HOXA9: variants seen among roughly 807,000 people sequenced by gnomAD.
HOXA9 encodes homeobox protein Hox-A9.
HOXA9 carries 18 observed loss-of-function variants against 19.0 expected under a neutral mutation model. The observed-to-expected ratio is 0.95, with a 90% CI of 0.65 to 1.40. The LOEUF is 1.40. Ranked by LOEUF, HOXA9 falls within the 40% of genes most tolerant of loss-of-function variation. HOXA9 has a pLI of 0.00. For synonymous variants in HOXA9, 198 were observed against 161.1 expected (o/e 1.23, Z -1.73); for missense variants, 443 against 372.2 (o/e 1.19, Z -1.57).
Position 27,162,670 on chromosome 7 carries a change from A to G in HOXA9, c.*933T>C, listed in dbSNP as rs10259620. 0.73 allele frequency: 152,928 copies of G among 209,434 alleles called. 56,481 individuals carry two copies. The highest frequency in any genetic ancestry group is 0.83 in the South Asian group (4,393 of 5,310). 13.0% of individuals were successfully genotyped at this position (209,434 alleles called of 1,614,324 possible). On this transcript the variant is annotated 3_prime_UTR_variant, in exon 2 of 2. Transcript: ENST00000343483. ...GTTACAATCAGCATTCATTTCCTCC[A>G]ATTAAAATTAAGCATAAACCCTAGG...
rs960680077 is a variant in HOXA9 at position 27,164,936 on chromosome 7, G to A, written c.522C>T (p.Ala174=). The stretch of plus-strand genomic sequence containing the variant: ...CATTCTCAGCATTGTTTTCAGAGAA[G>A]GCGCCTTCGCTGGGTTGTTTTTCTC... ...VDREKQPSEG[A]FSENNAENES... is the part of the protein sequence containing the mutation. Residue 174 remains alanine, a synonymous_variant, in exon 1 of 2, where the codon GCC becomes GCT. Coordinates refer to ENST00000343483, the MANE Select transcript of HOXA9 (RefSeq NM_152739.4). 3.8e-5 allele frequency: 61 copies of A among 1,614,122 alleles called. No individual in the cohort carries two copies. Among genetic ancestry groups the A allele is most frequent in the Non-Finnish European group, 4.7e-5 (55 of 1,180,044 alleles).
At position 27,165,523 on chromosome 7, in the gene HOXA9, T is replaced by A; in HGVS notation, c.-66A>T. The A allele has an allele frequency of 2.0e-6, 3 of 1,469,948 alleles. No homozygotes were observed. In the Middle Eastern group the frequency reaches 5.7e-4, roughly 282 times the overall value. The allele number at this position is 1,469,948 out of a possible 1,614,324, so 91.1% of individuals were successfully genotyped here. A position where few individuals can be genotyped will look rare whatever the true frequency, so the allele number is the denominator to read the frequency against. On this transcript the variant is annotated 5_prime_UTR_variant, in exon 1 of 2. Coordinates refer to ENST00000343483, the MANE Select transcript of HOXA9 (RefSeq NM_152739.4). ...AAATTATGAAACTGCAGATTTCATG[T>A]AACAACTTGGTGGCACCGGGGGGGA...
At position 27,165,050 on chromosome 7, in the gene HOXA9, C is replaced by A. The variant is rs374547527; in HGVS notation, c.408G>T (p.Pro136=). 5 of 1,614,038 alleles carry A rather than the reference C, an allele frequency of 3.1e-6. No homozygotes were observed. The highest frequency in any genetic ancestry group is 2.2e-5 in the South Asian group (2 of 91,086). Residue 136 remains proline, a synonymous_variant, in exon 1 of 2, where the codon CCG becomes CCT. Transcript: ENST00000343483. ...SSRPYGIKPE[P]LSARRGDCPT... is the part of the protein sequence containing the mutation. ...GACAGTCACCCCTTCTGGCCGACAGCGGTTCAGGTTTAATGCCATAAGGCC... is the reference window on the plus strand; with the variant it reads ...GACAGTCACCCCTTCTGGCCGACAGAGGTTCAGGTTTAATGCCATAAGGCC...
rs143934224 is a variant in HOXA9, at chr7:27,165,011, A to G, written c.447T>C (p.Thr149=). 3.0e-4 allele frequency: 490 copies of G among 1,614,190 alleles called. 4 individuals carry two copies. In the African/African-American group the frequency reaches 5.8e-3, roughly 19 times the overall value. The part of the protein sequence containing the change: ...ARRGDCPTLD[T]HTLSLTDYAC... ...CATAGTCAGTCAGGGACAAAGTGTGAGTGTCAAGCGTGGGACAGTCACCCC... is the reference window on the plus strand; with the variant it reads ...CATAGTCAGTCAGGGACAAAGTGTGGGTGTCAAGCGTGGGACAGTCACCCC... The change falls in exon 1 of 2, where the codon ACT becomes ACC. Residue 149 remains threonine (T), a synonymous_variant. Coordinates refer to ENST00000343483, the MANE Select transcript of HOXA9 (RefSeq NM_152739.4).
Position 27,163,578 on chromosome 7 carries a change from T to C in HOXA9, c.*25A>G. 4.5e-6 allele frequency: 7 copies of C among 1,564,382 alleles called. No individual in the cohort carries two copies. The highest frequency in any genetic ancestry group is 1.7e-4 in the Middle Eastern group (1 of 5,884). On this transcript the variant is annotated 3_prime_UTR_variant, in exon 2 of 2. Transcript: ENST00000343483. ...TTTCTTTTTCTCTCTAGCTTACCCT[T>C]TTTTCTAAATAAGCCCAAATGGCAT...
Position 27,165,416 on chromosome 7 carries a change from C to A in HOXA9, c.42G>T (p.Ser14=). 6.2e-7 allele frequency: 1 copy of A among 1,609,770 alleles called. No individual in the cohort carries two copies. The highest frequency in any genetic ancestry group is 1.1e-5 in the South Asian group (1 of 90,844). The part of the protein sequence containing the change: ...TGALGNYYVD[S]FLLGADAADE... ...CCGCGGCGTCGGCGCCCAGCAGGAA[C>A]GAGTCCACGTAGTAGTTGCCCAGGG... Residue 14 remains serine (S), a synonymous_variant, in exon 1 of 2, where the codon TCG becomes TCT. Coordinates refer to ENST00000343483, the MANE Select transcript of HOXA9 (RefSeq NM_152739.4).
In HOXA9 at chr7:27,165,399, T is replaced by A; in HGVS notation, c.59A>T (p.Asp20Val). The change falls in exon 1 of 2, where the codon GAC (aspartate) becomes GTC (valine). Residue 20 changes from aspartate to valine, a missense_variant. Coordinates refer to ENST00000343483, the MANE Select transcript of HOXA9 (RefSeq NM_152739.4). ...YYVDSFLLGA[D>V]AADELSVGRY... Reference sequence around the variant, plus strand: ...GCCAACGCTCAGCTCATCCGCGGCGTCGGCGCCCAGCAGGAACGAGTCCAC... The same window carrying A: ...GCCAACGCTCAGCTCATCCGCGGCGACGGCGCCCAGCAGGAACGAGTCCAC... 1 of 1,609,016 alleles carries A rather than the reference T, an allele frequency of 6.2e-7. No homozygotes were observed. Among genetic ancestry groups the A allele is most frequent in the South Asian group, 1.1e-5 (1 of 90,708 alleles).
Position 27,165,334 on chromosome 7 carries a change from C to T in HOXA9, c.124G>A (p.Ala42Thr). 1 of 1,582,612 alleles carries T rather than the reference C, an allele frequency of 6.3e-7. No individual in the cohort carries two copies. The highest frequency in any genetic ancestry group is 8.6e-7 in the Non-Finnish European group (1 of 1,166,186). Residue 42 changes from alanine to threonine, a missense_variant, in exon 1 of 2, where the codon GCG (alanine) becomes ACG (threonine). Transcript: ENST00000343483. ...TCGGGGTGCTCGGCCAGCGTCGCCGCCTGCCGGGGAGGCTGGCCCAGGGTC... is the reference window on the plus strand; with the variant it reads ...TCGGGGTGCTCGGCCAGCGTCGCCGTCTGCCGGGGAGGCTGGCCCAGGGTC... ...PGTLGQPPRQ[A>T]ATLAEHPDFS...
Position 27,163,287 on chromosome 7 carries a change from A to C in HOXA9, c.*316T>G. 3.4e-6 allele frequency: 1 copy of C among 294,414 alleles called. No homozygotes were observed. Among genetic ancestry groups the C allele is most frequent in the Non-Finnish European group, 6.3e-6 (1 of 158,358 alleles). 18.2% of individuals were successfully genotyped at this position (294,414 alleles called of 1,614,324 possible). A position where few individuals can be genotyped will look rare whatever the true frequency, so the allele number is the denominator to read the frequency against. ...TTCTTTCCTTTTGTTTTAAGTCAGG[A>C]ACAGGTAGATTTTTAAAAATATATA... On this transcript the variant is annotated 3_prime_UTR_variant, in exon 2 of 2. Transcript: ENST00000343483.
chr7:27,165,287 C>T lies in HOXA9; in HGVS notation c.171G>A (p.Gln57=), dbSNP rs776986040. The change falls in exon 1 of 2, where the codon CAG becomes CAA. Residue 57 remains glutamine, a synonymous_variant. Transcript: ENST00000343483. ...EHPDFSPCSF[Q]SKATVFGASW... ...AGGCGCCAAACACCGTCGCCTTGGA[C>T]TGGAAGCTGCACGGGCTGAAGTCGG... 9 of 1,568,182 alleles carry T rather than the reference C, an allele frequency of 5.7e-6. No individual in the cohort carries two copies. Among genetic ancestry groups the T allele is most frequent in the Middle Eastern group, 1.7e-4 (1 of 5,996 alleles).
rs181737685 is a variant in HOXA9, at chr7:27,162,666, C to A, written c.*937G>T. ...CTCCGTTACAATCAGCATTCATTTC[C>A]TCCAATTAAAATTAAGCATAAACCC... On this transcript the variant is annotated 3_prime_UTR_variant, in exon 2 of 2. Transcript: ENST00000343483. 8 of 211,906 alleles carry A rather than the reference C, an allele frequency of 3.8e-5. No homozygotes were observed. In the East Asian group the frequency reaches 5.7e-4, roughly 15 times the overall value. The allele number at this position is 211,906 out of a possible 1,614,324, so 13.1% of individuals were successfully genotyped here.
rs757553885 is a variant in HOXA9 at position 27,165,311 on chromosome 7, G to A, written c.147C>T (p.Pro49=). Residue 49 remains proline, a synonymous_variant, in exon 1 of 2, where the codon CCC becomes CCT. Coordinates refer to ENST00000343483, the MANE Select transcript of HOXA9 (RefSeq NM_152739.4). The part of the protein sequence containing the change: ...PRQAATLAEH[P]DFSPCSFQSK... Reference sequence around the variant, plus strand: ...ACTGGAAGCTGCACGGGCTGAAGTCGGGGTGCTCGGCCAGCGTCGCCGCCT... The same window carrying A: ...ACTGGAAGCTGCACGGGCTGAAGTCAGGGTGCTCGGCCAGCGTCGCCGCCT... 5 of 1,573,154 alleles carry A rather than the reference G, an allele frequency of 3.2e-6. No individual in the cohort carries two copies. The South Asian group carries it at 4.6e-5, about 14-fold the overall frequency.
Position 27,165,318 on chromosome 7 carries a change from T to C in HOXA9, c.140A>G (p.Glu47Gly). 6.4e-7 allele frequency: 1 copy of C among 1,573,652 alleles called. No individual in the cohort carries two copies. Among genetic ancestry groups the C allele is most frequent in the Non-Finnish European group, 8.6e-7 (1 of 1,161,298 alleles). ...QPPRQAATLA[E>G]HPDFSPCSFQ... ...GCTGCACGGGCTGAAGTCGGGGTGC[T>C]CGGCCAGCGTCGCCGCCTGCCGGGG... Residue 47 changes from glutamate to glycine, a missense_variant, in exon 1 of 2, where the codon GAG becomes GGG. By Grantham distance (98) the Glu-to-Gly change is moderately conservative. Coordinates refer to ENST00000343483, the MANE Select transcript of HOXA9 (RefSeq NM_152739.4).
In HOXA9 at chr7:27,165,387, T is replaced by A; in HGVS notation, c.71A>T (p.Glu24Val). 2 of 1,607,674 alleles carry A rather than the reference T, an allele frequency of 1.2e-6. No homozygotes were observed. The highest frequency in any genetic ancestry group is 8.5e-7 in the Non-Finnish European group (1 of 1,178,260). ...CGGCGCATAGCGGCCAACGCTCAGCTCATCCGCGGCGTCGGCGCCCAGCAG... is the reference window on the plus strand; with the variant it reads ...CGGCGCATAGCGGCCAACGCTCAGCACATCCGCGGCGTCGGCGCCCAGCAG... ...SFLLGADAAD[E>V]LSVGRYAPGT... is the part of the protein sequence containing the mutation. Residue 24 changes from glutamate to valine, a missense_variant, in exon 1 of 2, where the codon GAG (glutamate) becomes GTG (valine). Transcript: ENST00000343483.
intron 1 of HOXA9, among the ~76,000 whole-genome samples, chr7:27,164,227 A>T (rs1301193321): frequency 6.6e-6 from 1 of 152,162 alleles, no homozygotes; most frequent in Non-Finnish European, 1.5e-5. Context: ...CCGTTCACTG[A>T]CTTCGTCTTT....
chr7:27,165,313 G>C lies in HOXA9; in HGVS notation c.145C>G (p.Pro49Ala), dbSNP rs1439174212. 5.1e-6 allele frequency: 8 copies of C among 1,573,708 alleles called. No individual in the cohort carries two copies. Among genetic ancestry groups the C allele is most frequent in the Non-Finnish European group, 6.9e-6 (8 of 1,161,256 alleles). Reference sequence around the variant, plus strand: ...TGGAAGCTGCACGGGCTGAAGTCGGGGTGCTCGGCCAGCGTCGCCGCCTGC... The same window carrying C: ...TGGAAGCTGCACGGGCTGAAGTCGGCGTGCTCGGCCAGCGTCGCCGCCTGC... ...PRQAATLAEH[P>A]DFSPCSFQSK... The change falls in exon 1 of 2, where the codon CCC (proline) becomes GCC (alanine). Residue 49 changes from proline to alanine, a missense_variant. Pro to Ala is a conservative substitution (Grantham distance 27). Transcript: ENST00000343483.
chr7:27,164,852 C>T, intron 1 of HOXA9, 26 bp downstream of exon 1: 1 of 1,594,230 alleles, frequency 6.3e-7, no homozygotes, highest in African/African-American at 1.3e-5. Context: ...GAGGCGGCGG[C>T]GGATTTGAAG....
rs1435763278 is a variant in HOXA9 at position 27,165,242 on chromosome 7, C to T, written c.216G>A (p.Ala72=). The change falls in exon 1 of 2, where the codon GCG becomes GCA. Residue 72 remains alanine (A), a synonymous_variant. Transcript: ENST00000343483. ...VFGASWNPVH[A]AGANAVPAAV... ...CAGCGGGTACAGCGTTGGCGCCCGC[C>T]GCGTGCACTGGGTTCCACGAGGCGC... is the stretch of plus-strand genomic sequence containing the variant. 6.4e-7 allele frequency: 1 copy of T among 1,562,846 alleles called. No individual in the cohort carries two copies. Among genetic ancestry groups the T allele is most frequent in the South Asian group, 1.2e-5 (1 of 85,108 alleles).
chr7:27,164,799 C>G (rs967497214), intron 1 of HOXA9, 79 bp downstream of exon 1: 1 of 1,555,602 alleles, frequency 6.4e-7, no homozygotes, highest in East Asian at 2.3e-5. Flanking sequence ...AAGGCAGGCT[C>G]GAGAGAAACC....
Sources: gnomAD v4.1 joint callset for allele counts (sites outside exome capture counted in the v4.1 genomes callset) on GRCh38, gnomAD v4.1.1 for gene constraint, MANE v1.5 for transcripts, NCBI Gene and HGNC (gene_info 2026-07-23, HGNC 2026-07-21) for gene names.